The following SLC2A9 variants were observed in gnomAD, a reference collection of about 807,000 sequenced individuals.
The protein encoded by SLC2A9 is solute carrier family 2 member 9.
A neutral mutation model predicts 50.6 loss-of-function variants in SLC2A9; 39 were observed. That is an observed-to-expected ratio of 0.77 (90% CI 0.60 to 1.01). SLC2A9 has a LOEUF of 1.01. Among genes scored for constraint, SLC2A9 ranks in the 50% least tolerant of loss-of-function variants. The pLI is 0.00. For synonymous variants in SLC2A9, 324 were observed against 276.9 expected, an observed-to-expected ratio of 1.17 and a Z score of -1.69; for missense variants, 686 against 677.6, an observed-to-expected ratio of 1.01 and a Z score of -0.14.
At chr4:10,021,245 C>A in intron 1 of SLC2A9, 35 bp downstream of exon 1, 1 of 1,608,038 alleles carries the variant, frequency 6.2e-7, no homozygotes, top group Non-Finnish European at 8.5e-7. Context: ...TTCCCCACAG[C>A]CCGCCAGCCA....
chr4:9,908,403 T>C lies in SLC2A9; in HGVS notation c.1003-58A>G, dbSNP rs979538012. 5 of 1,285,392 alleles carry C rather than the reference T, an allele frequency of 3.9e-6. No homozygotes were observed. The African/African-American group carries it at 7.2e-5, about 18-fold the overall frequency. 79.6% of individuals were successfully genotyped at this position (1,285,392 alleles called of 1,614,324 possible). A position where few individuals can be genotyped will look rare whatever the true frequency, so the allele number is the denominator to read the frequency against. ...GGTCAGTGGAAGGACTTAATCTATT[T>C]TCTAAATCAAATTTGGGTATCAGGT... is the stretch of plus-strand genomic sequence containing the variant. On this transcript the variant is annotated intron_variant, in intron 7 of 11. Transcript: ENST00000264784.
chr4:9,925,171 T>C (rs1393372317), intron 6 of SLC2A9, among the ~76,000 whole-genome samples: 2 of 152,234 alleles, frequency 1.3e-5, no homozygotes, highest in African/African-American at 4.8e-5. Flanking sequence ...GCCCTGCTCG[T>C]GCTGTTCCTT....
intron 2 of SLC2A9, among the ~76,000 whole-genome samples, chr4:10,018,569 TAGATAG>T (rs2109527095): frequency 6.6e-6 from 1 of 150,916 alleles, no homozygotes; most frequent in Non-Finnish European, 1.5e-5. Flanking sequence ...GATAGATAGA[TAGATAG>T]ATAGATAGAT....
chr4:9,825,694 T>C (rs928145631), downstream of SLC2A9, among the ~76,000 whole-genome samples: 1 of 152,198 alleles, frequency 6.6e-6, no homozygotes, highest in African/African-American at 2.4e-5. Flanking sequence ...CACACAGGAC[T>C]CTAATAGTCT....
chr4:9,861,113 T>C (rs1208265192), intron 10 of SLC2A9, among the ~76,000 whole-genome samples: 1 of 152,180 alleles, frequency 6.6e-6, no homozygotes, highest in Non-Finnish European at 1.5e-5. Context: ...AGACTGGTAA[T>C]TTATATTAAA....
chr4:9,802,676 A>G (rs958524125), intron 3 of SLC2A9, among the ~76,000 whole-genome samples: 7 of 149,370 alleles, frequency 4.7e-5, no homozygotes, highest in African/African-American at 1.7e-4. Flanking sequence ...ATTCTGCCTC[A>G]GCCTCCCAAG....
At chr4:10,035,256 GGTACAAAGAACACTT>G (rs1764062824) in intron 1 of SLC2A9, 1 of 152,128 alleles carries the variant, frequency 6.6e-6, no homozygotes, top group African/African-American at 2.4e-5. Context: ...TGTACCATTG[GGTACAAAGAACACTT>G]CTCAACAGAA....
intron 1 of SLC2A9, among the ~76,000 whole-genome samples, chr4:10,028,292 C>T (rs540709463): frequency 1.3e-5 from 2 of 152,322 alleles, no homozygotes; most frequent in South Asian, 4.1e-4. Context: ...ATGAGAAAAG[C>T]CCATAAATGC....
intron 5 of SLC2A9, among the ~76,000 whole-genome samples, chr4:9,955,481 C>A (rs546867936): frequency 6.3e-5 from 2 of 31,838 alleles, no homozygotes; most frequent in African/African-American, 3.3e-4. Flanking sequence ...GGCCACAGAG[C>A]GAGACTCCGT....
At chr4:9,835,647 A>G (rs763490172) in intron 10 of SLC2A9, among the ~76,000 whole-genome samples, 2 of 152,242 alleles carry the variant, frequency 1.3e-5, no homozygotes, top group Non-Finnish European at 2.9e-5. Context: ...GTCAAAAGCA[A>G]CATGTCCTTG....
chr4:9,813,083 C>G (rs1244085097), intron 3 of SLC2A9, among the ~76,000 whole-genome samples: 1 of 152,178 alleles, frequency 6.6e-6, no homozygotes, highest in Non-Finnish European at 1.5e-5. Context: ...TTATAATGAT[C>G]TGAACTCCCA....
At chr4:9,860,495 A>G (rs1427322473) in intron 10 of SLC2A9, among the ~76,000 whole-genome samples, 7 of 152,238 alleles carry the variant, frequency 4.6e-5, no homozygotes, top group African/African-American at 1.7e-4. Context: ...CCCAGTAAAC[A>G]AACGAACAGG....
At chr4:9,986,690 C>T (rs1431993406) in intron 3 of SLC2A9, among the ~76,000 whole-genome samples, 1 of 149,184 alleles carries the variant, frequency 6.7e-6, no homozygotes, top group African/African-American at 2.4e-5. Flanking sequence ...ATTTGATGAA[C>T]TACAGTACTA....
At chr4:9,990,809 T>C (rs1056751026) in intron 3 of SLC2A9, among the ~76,000 whole-genome samples, 2 of 152,178 alleles carry the variant, frequency 1.3e-5, no homozygotes, top group African/African-American at 4.8e-5. Flanking sequence ...TGAACCCAAG[T>C]TTCCTTCTTC....
intron 3 of SLC2A9, among the ~76,000 whole-genome samples, chr4:9,806,350 G>A (rs1722113373): frequency 6.6e-6 from 1 of 152,248 alleles, no homozygotes; most frequent in Non-Finnish European, 1.5e-5. Context: ...TTAAGAATGT[G>A]TTCATGCTGC....
intron 5 of SLC2A9, among the ~76,000 whole-genome samples, chr4:9,944,586 A>C: frequency 6.6e-6 from 1 of 152,188 alleles, no homozygotes; most frequent in East Asian, 1.9e-4. Flanking sequence ...TGGGATGCCA[A>C]CATTTCTGAA....
At chr4:9,814,498 C>T (rs545293501) in intron 3 of SLC2A9, among the ~76,000 whole-genome samples, 28 of 152,286 alleles carry the variant, frequency 1.8e-4, no homozygotes, top group African/African-American at 6.5e-4. Flanking sequence ...GTTTAACAAA[C>T]CATGCCAAAA....
rs138828651 is a variant in SLC2A9, at chr4:9,875,457, T to C, written c.1291+12110A>G. Among the ~76,000 whole-genome samples, 565 of 152,366 alleles carry C rather than the reference T, an allele frequency of 3.7e-3. 2 individuals are homozygous for C. The highest frequency in any genetic ancestry group is 0.026 in the South Asian group (124 of 4,826). On this transcript the variant is annotated intron_variant, in intron 10 of 11. Coordinates refer to ENST00000264784, the MANE Select transcript of SLC2A9 (RefSeq NM_020041.3). ...GCACACCCTGAGAACCCATACTTGG[T>C]GGCTCTGCTTGCTCTGACTCGATAT...
At chr4:9,886,984 C>T (rs768475312) in intron 10 of SLC2A9, among the ~76,000 whole-genome samples, 1 of 152,212 alleles carries the variant, frequency 6.6e-6, no homozygotes, top group Non-Finnish European at 1.5e-5. Flanking sequence ...TAAACTGAGG[C>T]TGGGATACTC....
Sources: gnomAD v4.1 joint callset for allele counts (sites outside exome capture counted in the v4.1 genomes callset) on GRCh38, gnomAD v4.1.1 for gene constraint, MANE v1.5 for transcripts, NCBI Gene and HGNC (gene_info 2026-07-23, HGNC 2026-07-21) for gene names.